The following CCDC7 variants were observed in gnomAD, a reference collection of about 807,000 sequenced individuals.
CCDC7 encodes the protein coiled-coil domain-containing protein 7.
Under a neutral mutation model 196.9 loss-of-function variants are expected in CCDC7, and 183 were observed. That is an observed-to-expected ratio of 0.93 (90% CI 0.82 to 1.05). The LOEUF (loss-of-function observed/expected upper bound fraction) is 1.05, where lower values mean the gene tolerates loss of function less well. CCDC7 is among the 50% of genes least tolerant of loss of function. CCDC7 has a pLI of 0.00. For synonymous variants in CCDC7, 525 were observed against 484.6 expected, an observed-to-expected ratio of 1.08 and a Z score of -1.10; for missense variants, 1,540 against 1,482.2, an observed-to-expected ratio of 1.04 and a Z score of -0.64.
chr10:32,712,387 G>A (rs962606178), intron 25 of CCDC7, among the ~76,000 whole-genome samples: 2 of 152,152 alleles, frequency 1.3e-5, no homozygotes, highest in Admixed American at 1.3e-4. Flanking sequence ...TAGCCTTTAC[G>A]GATTACACCC....
intron 29 of CCDC7, among the ~76,000 whole-genome samples, chr10:32,787,168 A>G (rs1260067108): frequency 6.6e-6 from 1 of 152,184 alleles, no homozygotes; most frequent in Non-Finnish European, 1.5e-5. Context: ...AAAATATCCC[A>G]AATTTGATGA....
chr10:32,671,594 A>G (rs1324821898), intron 21 of CCDC7, among the ~76,000 whole-genome samples: 4 of 152,118 alleles, frequency 2.6e-5, no homozygotes, highest in African/African-American at 4.8e-5. Context: ...TTTCTTTGGG[A>G]TCAGCTTCAG....
chr10:32,789,415 T>C (rs12267182), intron 29 of CCDC7, among the ~76,000 whole-genome samples: 17,157 of 151,904 alleles, frequency 0.11, 1,164 homozygotes, highest in South Asian at 0.27. Context: ...CAGACAGAAA[T>C]TCTAGAGCTA....
chr10:32,682,756 G>C (rs1352510053), intron 21 of CCDC7, among the ~76,000 whole-genome samples: 1 of 152,106 alleles, frequency 6.6e-6, no homozygotes, highest in African/African-American at 2.4e-5. Flanking sequence ...GTGATGTTAA[G>C]CATTTTTCCT....
chr10:32,719,857 A>G (rs1479806696), intron 25 of CCDC7, among the ~76,000 whole-genome samples: 2 of 152,214 alleles, frequency 1.3e-5, no homozygotes, highest in Admixed American at 6.5e-5. Context: ...ATCATTAAAA[A>G]GTCAGGAAAC....
chr10:32,616,847 T>C (rs2062831940), intron 18 of CCDC7, among the ~76,000 whole-genome samples: 1 of 151,954 alleles, frequency 6.6e-6, no homozygotes, highest in African/African-American at 2.4e-5. Context: ...GCCTAGTTTG[T>C]TGAGGATTTT....
At chr10:32,670,517 A>G (rs917299797) in intron 21 of CCDC7, among the ~76,000 whole-genome samples, 5 of 148,648 alleles carry the variant, frequency 3.4e-5, no homozygotes, top group African/African-American at 1.2e-4. Context: ...CATTAGGTAT[A>G]TCTCCCAGTG....
chr10:32,803,388 T>C (rs2085188673), intron 29 of CCDC7, among the ~76,000 whole-genome samples: 1 of 152,230 alleles, frequency 6.6e-6, no homozygotes, highest in Admixed American at 6.5e-5. Flanking sequence ...TCTCCTTAGC[T>C]CTAATAATAA....
At chr10:32,749,835 CAAAT>C (rs2075384446) in intron 28 of CCDC7, among the ~76,000 whole-genome samples, 1 of 152,058 alleles carries the variant, frequency 6.6e-6, no homozygotes, top group South Asian at 2.1e-4. Flanking sequence ...TAAATTTTAA[CAAAT>C]AAGCATGAAG....
At chr10:32,485,819 C>G (rs957578313) in intron 8 of CCDC7, among the ~76,000 whole-genome samples, 9 of 152,164 alleles carry the variant, frequency 5.9e-5, no homozygotes, top group Non-Finnish European at 8.8e-5. Flanking sequence ...GAGTGAGTTT[C>G]TTAATCCTGA....
chr10:32,456,203 A>G lies in CCDC7; in HGVS notation c.373-48A>G, dbSNP rs749846682. On this transcript the variant is annotated intron_variant, in intron 2 of 41. Coordinates refer to ENST00000639629, the Ensembl canonical transcript of CCDC7. The stretch of plus-strand genomic sequence containing the variant: ...ATATGCTAGAAAAAGACAGACATGC[A>G]TATGGATTCTTAAATGTAACTTTAT... The G allele has an allele frequency of 6.2e-6, 9 of 1,442,856 alleles. No individual in the cohort carries two copies. The African/African-American group carries it at 9.9e-5, about 16-fold the overall frequency. The allele number at this position is 1,442,856 out of a possible 1,614,324, so 89.4% of individuals were successfully genotyped here. A position where few individuals can be genotyped will look rare whatever the true frequency, so the allele number is the denominator to read the frequency against.
chr10:32,674,211 AT>A (rs1275432034), intron 21 of CCDC7, among the ~76,000 whole-genome samples: 32 of 149,024 alleles, frequency 2.1e-4, no homozygotes, highest in African/African-American at 7.4e-4. Context: ...AATATTTTTT[AT>A]AGTGATTATC....
At chr10:32,688,114 T>C (rs2076671094) in intron 22 of CCDC7, among the ~76,000 whole-genome samples, 3 of 152,124 alleles carry the variant, frequency 2.0e-5, no homozygotes, top group Admixed American at 1.3e-4. Context: ...TTGGACACTT[T>C]TAGGGCACTC....
chr10:32,784,582 C>A (rs1565493978), intron 29 of CCDC7, among the ~76,000 whole-genome samples: 3 of 151,904 alleles, frequency 2.0e-5, no homozygotes, highest in African/African-American at 7.3e-5. Flanking sequence ...AGCCAAAGTT[C>A]TTTTTTTTGA....
At chr10:32,708,992 A>T (rs1277343268) in intron 24 of CCDC7, among the ~76,000 whole-genome samples, 1 of 152,184 alleles carries the variant, frequency 6.6e-6, no homozygotes, top group Non-Finnish European at 1.5e-5. Flanking sequence ...AAGGATTATA[A>T]ATCATGCTAC....
chr10:32,664,657 A>G (rs2072255832), intron 21 of CCDC7, among the ~76,000 whole-genome samples: 1 of 152,018 alleles, frequency 6.6e-6, no homozygotes, highest in Non-Finnish European at 1.5e-5. Context: ...CCATATTATC[A>G]CAAAAGACAA....
chr10:32,711,603 T>C lies in CCDC7; in HGVS notation c.2459-17T>C, dbSNP rs1398766408. On this transcript the variant is annotated splice_polypyrimidine_tract_variant and intron_variant, in intron 24 of 41. Transcript: ENST00000639629. ...TTTGTTTTTCTAGTAAGGGACTAAA[T>C]TTCTCTCTTAACATAGCTCATGATG... 1.3e-6 allele frequency: 2 copies of C among 1,489,380 alleles called. No homozygotes were observed. The highest frequency in any genetic ancestry group is 1.8e-6 in the Non-Finnish European group (2 of 1,092,686). 92.3% of individuals were successfully genotyped at this position (1,489,380 alleles called of 1,614,324 possible). A position where few individuals can be genotyped will look rare whatever the true frequency, so the allele number is the denominator to read the frequency against.
At chr10:32,517,698 A>G (rs534967760) in intron 9 of CCDC7, among the ~76,000 whole-genome samples, 3 of 151,680 alleles carry the variant, frequency 2.0e-5, no homozygotes, top group East Asian at 1.9e-4. Flanking sequence ...CAGCACACCA[A>G]CATGGCACAT....
chr10:32,493,303 A>G (rs1297601209), intron 9 of CCDC7, among the ~76,000 whole-genome samples: 2 of 151,752 alleles, frequency 1.3e-5, no homozygotes, highest in African/African-American at 4.8e-5. Context: ...AATGCCCTTC[A>G]GTTTCATCCA....
Sources: allele counts gnomAD v4.1 joint callset (sites outside exome capture counted in the v4.1 genomes callset), GRCh38; gene constraint gnomAD v4.1.1; transcripts MANE v1.5; gene names NCBI Gene and HGNC (gene_info 2026-07-23, HGNC 2026-07-21).